Variants in STXBP5L observed in about 807,000 individuals in gnomAD.
STXBP5L encodes syntaxin binding protein 5L, also known as syntaxin-binding protein 5-like.
A neutral mutation model predicts 144.5 loss-of-function variants in STXBP5L; 65 were observed. The ratio of observed to expected loss-of-function variants is 0.45; its 90% CI spans 0.37 to 0.55. STXBP5L has a LOEUF of 0.55. Ranked by LOEUF, STXBP5L falls within the 20% of genes least tolerant of loss-of-function variation. The probability of loss-of-function intolerance (pLI) is 0.00; values close to 1 mark genes in which losing one functional copy is unlikely to be tolerated. For synonymous variants in STXBP5L, 505 were observed against 469.6 expected (o/e 1.08, Z -0.97); for missense variants, 1,298 against 1,405.5 (o/e 0.92, Z 1.22).
intron 18 of STXBP5L, among the ~76,000 whole-genome samples, chr3:121,268,790 G>T (rs2050652825): frequency 6.6e-6 from 1 of 152,060 alleles, no homozygotes; most frequent in South Asian, 2.1e-4. Context: ...ACCAGTCAGG[G>T]TATTTGCTTT....
intron 17 of STXBP5L, 48 bp downstream of exon 17, chr3:121,257,381 T>C: frequency 1.3e-6 from 2 of 1,499,784 alleles, no homozygotes; most frequent in South Asian, 1.2e-5. Flanking sequence ...ATTAATCATA[T>C]GTCTTTGAAA....
chr3:121,101,929 G>A (rs1380776232), intron 5 of STXBP5L, among the ~76,000 whole-genome samples: 1 of 151,538 alleles, frequency 6.6e-6, no homozygotes, highest in African/African-American at 2.4e-5. Context: ...TAATGTTCAA[G>A]CTGCAAACCA....
chr3:121,083,281 C>T (rs2042336095), intron 5 of STXBP5L, among the ~76,000 whole-genome samples: 1 of 152,122 alleles, frequency 6.6e-6, no homozygotes, highest in African/African-American at 2.4e-5. Flanking sequence ...CTTTATTTTA[C>T]TGAATTTATC....
intron 3 of STXBP5L, among the ~76,000 whole-genome samples, chr3:121,016,378 T>C (rs915981360): frequency 2.0e-5 from 3 of 152,112 alleles, no homozygotes; most frequent in African/African-American, 4.8e-5. Flanking sequence ...GTAAGCAACA[T>C]GGAAGATGAC....
intron 9 of STXBP5L, among the ~76,000 whole-genome samples, chr3:121,191,183 G>A (rs1256766500): frequency 6.6e-6 from 1 of 152,166 alleles, no homozygotes; most frequent in Non-Finnish European, 1.5e-5. Flanking sequence ...GGAGGCCAAG[G>A]CAGGCGGCTG....
intron 14 of STXBP5L, among the ~76,000 whole-genome samples, chr3:121,242,124 C>A (rs2049691237): frequency 6.6e-6 from 1 of 151,866 alleles, no homozygotes. Context: ...TTTTCAACAC[C>A]AAATCTACCA....
chr3:121,127,067 C>T (rs2044740034), intron 7 of STXBP5L, among the ~76,000 whole-genome samples: 1 of 148,494 alleles, frequency 6.7e-6, no homozygotes. Flanking sequence ...CTTTGGGAGT[C>T]CTTTATTCTT....
chr3:121,115,126 C>T (rs1287539236), intron 6 of STXBP5L, 67 bp downstream of exon 6: 3 of 1,438,204 alleles, frequency 2.1e-6, no homozygotes, highest in Non-Finnish European at 2.8e-6. Flanking sequence ...ACATGTAGGT[C>T]AAATTACAGT....
chr3:121,170,220 C>T (rs1222824890), intron 9 of STXBP5L, among the ~76,000 whole-genome samples: 2 of 152,116 alleles, frequency 1.3e-5, no homozygotes, highest in Admixed American at 6.5e-5. Context: ...ATTTATAGCA[C>T]TAAATGCCCA....
intron 3 of STXBP5L, among the ~76,000 whole-genome samples, chr3:120,987,948 A>G (rs1942461169): frequency 6.6e-6 from 1 of 151,728 alleles, no homozygotes; most frequent in African/African-American, 2.4e-5. Flanking sequence ...TTCATGAGAG[A>G]TTTGATATTC....
chr3:121,041,860 C>T (rs1005141990), intron 4 of STXBP5L, 79 bp downstream of exon 4: 2 of 944,208 alleles, frequency 2.1e-6, no homozygotes, highest in East Asian at 2.5e-5. Context: ...CTTTTAAATA[C>T]TGTGATTCTA....
chr3:120,955,078 C>A, intron 3 of STXBP5L, 41 bp downstream of exon 3: 1 of 1,327,182 alleles, frequency 7.5e-7, no homozygotes, highest in Non-Finnish European at 1.1e-6. Context: ...ACAGTAATGC[C>A]AATTACATTT....
At chr3:121,084,975 CT>C (rs907617433) in intron 5 of STXBP5L, among the ~76,000 whole-genome samples, 30 of 151,046 alleles carry the variant, frequency 2.0e-4, no homozygotes, top group East Asian at 5.8e-4. Context: ...ATGATGTTGA[CT>C]TTTTTTTTCA....
chr3:121,147,542 C>A (rs1338482109), intron 7 of STXBP5L, among the ~76,000 whole-genome samples: 1 of 152,044 alleles, frequency 6.6e-6, no homozygotes, highest in Non-Finnish European at 1.5e-5. Context: ...ATCTTAGTAT[C>A]CAACCCAGTA....
chr3:121,045,353 T>G (rs1947441123), intron 4 of STXBP5L, 82 bp from the exon 5 acceptor site: 7 of 1,248,096 alleles, frequency 5.6e-6, no homozygotes, highest in Non-Finnish European at 7.8e-6. Context: ...GTAGTAAACA[T>G]TGAGTAAATT....
chr3:120,956,873 T>A (rs1214886661), intron 3 of STXBP5L, among the ~76,000 whole-genome samples: 1 of 151,972 alleles, frequency 6.6e-6, no homozygotes, highest in Non-Finnish European at 1.5e-5. Flanking sequence ...TGCCTGTGCT[T>A]TGGTGTCATA....
At chr3:121,253,613 A>T (rs2050102875) in intron 15 of STXBP5L, among the ~76,000 whole-genome samples, 1 of 147,870 alleles carries the variant, frequency 6.8e-6, no homozygotes, top group Non-Finnish European at 1.5e-5. Context: ...ATATATATGT[A>T]TATATACACA....
chr3:121,269,572 C>T (rs1032791465), intron 18 of STXBP5L, among the ~76,000 whole-genome samples: 3 of 152,074 alleles, frequency 2.0e-5, no homozygotes, highest in African/African-American at 7.2e-5. Context: ...TGGTGAGTGG[C>T]AGATGGTACT....
At chr3:120,981,001 T>G (rs1373988084) in intron 3 of STXBP5L, among the ~76,000 whole-genome samples, 1 of 152,170 alleles carries the variant, frequency 6.6e-6, no homozygotes, top group Non-Finnish European at 1.5e-5. Flanking sequence ...GCTAGATTTT[T>G]TTTTTCTTCA....
Sources: allele counts gnomAD v4.1 joint callset (sites outside exome capture counted in the v4.1 genomes callset), GRCh38; gene constraint gnomAD v4.1.1; transcripts MANE v1.5; gene names NCBI Gene and HGNC (gene_info 2026-07-23, HGNC 2026-07-21).